Variants in ACSF3 observed in about 807,000 individuals in gnomAD.
ACSF3 encodes acyl-CoA synthetase family member 3.
ACSF3 carries 78 observed loss-of-function variants against 53.2 expected under a neutral mutation model. The ratio of observed to expected loss-of-function variants is 1.47; its 90% CI spans 1.22 to 1.77. The LOEUF (loss-of-function observed/expected upper bound fraction) is 1.77, where lower values mean the gene tolerates loss of function less well. Ranked by LOEUF, ACSF3 falls within the 40% of genes most tolerant of loss-of-function variation. The pLI, the probability that ACSF3 is intolerant of heterozygous loss-of-function variation, is 0.00. For synonymous variants in ACSF3, 414 were observed against 333.1 expected (o/e 1.24, Z -2.65); for missense variants, 937 against 771.1 (o/e 1.22, Z -2.55).
At chr16:89,110,276 GT>G (rs1976532728) in intron 4 of ACSF3, among the ~76,000 whole-genome samples, 1 of 152,160 alleles carries the variant, frequency 6.6e-6, no homozygotes, top group Non-Finnish European at 1.5e-5. Context: ...AAGTTTTCTA[GT>G]TTTAGCTCAT....
At chr16:89,109,560 C>G (rs1171193735) in intron 4 of ACSF3, among the ~76,000 whole-genome samples, 1 of 151,730 alleles carries the variant, frequency 6.6e-6, no homozygotes, top group African/African-American at 2.4e-5. Flanking sequence ...TACAGGCGCA[C>G]AGCTCCAGGT....
In ACSF3 at chr16:89,133,186, C is replaced by G; in HGVS notation, c.1290C>G (p.Pro430=). Residue 430 remains proline, a synonymous_variant, in exon 8 of 11, where the codon CCC becomes CCG. Transcript: ENST00000614302. The part of the protein sequence containing the change: ...EKEGELLVRG[P]SVFREYWNKP... The stretch of plus-strand genomic sequence containing the variant: ...AGGGGGAGCTGCTGGTGAGGGGACC[C>G]TCCGTGTTTCGAGAATACTGGAATA... The G allele has an allele frequency of 1.9e-6, 3 of 1,614,072 alleles. No homozygotes were observed. Among genetic ancestry groups the G allele is most frequent in the Non-Finnish European group, 2.5e-6 (3 of 1,180,010 alleles).
At chr16:89,119,821 C>A (rs887595243) in intron 6 of ACSF3, among the ~76,000 whole-genome samples, 2 of 152,208 alleles carry the variant, frequency 1.3e-5, no homozygotes, top group East Asian at 1.9e-4. Context: ...CCTCACCAAG[C>A]GTCTGGAGGC....
At chr16:89,150,388 A>C (rs1913867131) in intron 10 of ACSF3, 1 of 152,808 alleles carries the variant, frequency 6.5e-6, no homozygotes, top group Non-Finnish European at 1.5e-5. Context: ...AAGAAAAGAT[A>C]GGTGTCGAGG....
intron 8 of ACSF3, among the ~76,000 whole-genome samples, chr16:89,134,392 G>A (rs950164739): frequency 7.9e-5 from 12 of 152,356 alleles, no homozygotes; most frequent in African/African-American, 2.9e-4. Context: ...ACAATGGCGA[G>A]CCTTTAGGCC....
rs60881405 is a variant in ACSF3, at chr16:89,145,874, A to G, written c.1502-64A>G. ...CTGCGCTCTTCCTGTGTGTCCAGGC[A>G]CTCTTCGGCCTGTAAGGGTCACTGA... is the stretch of plus-strand genomic sequence containing the variant. On this transcript the variant is annotated intron_variant, in intron 9 of 10. Transcript: ENST00000614302. The G allele has an allele frequency of 1.3e-4, 183 of 1,390,102 alleles. 2 individuals carry two copies. In the South Asian group the frequency reaches 2.0e-3, roughly 16 times the overall value. The allele number at this position is 1,390,102 out of a possible 1,614,324, so 86.1% of individuals were successfully genotyped here. A position where few individuals can be genotyped will look rare whatever the true frequency, so the allele number is the denominator to read the frequency against.
chr16:89,116,837 C>T (rs147895029), intron 6 of ACSF3, among the ~76,000 whole-genome samples: 1 of 152,220 alleles, frequency 6.6e-6, no homozygotes, highest in Non-Finnish European at 1.5e-5. Context: ...TGCTAGCGGC[C>T]CCTGCTCTGG....
At chr16:89,105,859 G>A (rs532459750) in intron 4 of ACSF3, among the ~76,000 whole-genome samples, 1 of 152,366 alleles carries the variant, frequency 6.6e-6, no homozygotes, top group African/African-American at 2.4e-5. Flanking sequence ...ATCCTCCCAA[G>A]TAAAGAGTGT....
chr16:89,109,164 G>A (rs1281141795), intron 4 of ACSF3, among the ~76,000 whole-genome samples: 2 of 149,900 alleles, frequency 1.3e-5, no homozygotes, highest in South Asian at 2.1e-4. Flanking sequence ...CCCAGGGGGC[G>A]GCGATTGCAG....
intron 4 of ACSF3, among the ~76,000 whole-genome samples, chr16:89,110,560 T>C (rs1976564884): frequency 2.0e-5 from 3 of 152,242 alleles, no homozygotes; most frequent in Admixed American, 2.0e-4. Flanking sequence ...TTACTTCTGG[T>C]TTACGTCAGT....
chr16:89,129,573 C>G (rs1908863712), intron 7 of ACSF3, among the ~76,000 whole-genome samples: 1 of 152,120 alleles, frequency 6.6e-6, no homozygotes. Context: ...TCCAGCCTGA[C>G]AAGCTTTGTA....
rs1397931598 is a variant in ACSF3 at position 89,156,001 on chromosome 16, G to A, written c.*1794G>A. ...CAGAAAGCCTGGAGCTCGTTGACCA[G>A]CCGGTTGACCAGAATACGGTGCTCC... is the stretch of plus-strand genomic sequence containing the variant. On this transcript the variant is annotated 3_prime_UTR_variant, in exon 11 of 11. Coordinates refer to ENST00000614302, the MANE Select transcript of ACSF3 (RefSeq NM_001243279.3). 6.6e-6 allele frequency among the ~76,000 whole-genome samples: 1 copy of A among 152,202 alleles called. No homozygotes were observed. The highest frequency in any genetic ancestry group is 1.5e-5 in the Non-Finnish European group (1 of 68,044).
intron 8 of ACSF3, chr16:89,136,584 C>T (rs946989846): frequency 5.2e-5 from 66 of 1,281,348 alleles, no homozygotes; most frequent in Non-Finnish European, 6.1e-5. Context: ...CATAAGCCGG[C>T]GGGCACAGGG....
chr16:89,101,499 GC>G, intron 3 of ACSF3, 152 bp downstream of exon 3: 1 of 1,490,000 alleles, frequency 6.7e-7, no homozygotes, highest in East Asian at 2.5e-5. Context: ...AGGGACGCAG[GC>G]CCTCGGGGTG....
At chr16:89,150,145 A>G (rs1913825222) in intron 10 of ACSF3, 2 of 152,136 alleles carry the variant, frequency 1.3e-5, no homozygotes. Context: ...AAGACCGAGC[A>G]TTTGTCTCTG....
chr16:89,106,939 G>T (rs1205002960), intron 4 of ACSF3, among the ~76,000 whole-genome samples: 1 of 152,204 alleles, frequency 6.6e-6, no homozygotes, highest in South Asian at 2.1e-4. Context: ...AGCCTCTGGA[G>T]ATCAAAGTCA....
chr16:89,118,246 C>T (rs1385126741), intron 6 of ACSF3, among the ~76,000 whole-genome samples: 6 of 151,942 alleles, frequency 3.9e-5, no homozygotes, highest in African/African-American at 7.2e-5. Context: ...GCGCCGGGGA[C>T]GCTCCCTCTT....
At chr16:89,147,180 G>GTGAGTGAGGGA (rs1882900800) in intron 10 of ACSF3, among the ~76,000 whole-genome samples, 1 of 108,510 alleles carries the variant, frequency 9.2e-6, no homozygotes. Flanking sequence ...GGTCCACAGA[G>GTGAGTGAGGGA]GGAGGGAGGG....
intron 5 of ACSF3, among the ~76,000 whole-genome samples, 158 bp downstream of exon 5, chr16:89,112,404 C>G (rs1312930029): frequency 6.6e-6 from 1 of 152,106 alleles, no homozygotes; most frequent in African/African-American, 2.4e-5. Context: ...CTCTACCTCT[C>G]TAACTGTCTC....
Sources: gnomAD v4.1 joint callset for allele counts (sites outside exome capture counted in the v4.1 genomes callset) on GRCh38, gnomAD v4.1.1 for gene constraint, MANE v1.5 for transcripts, NCBI Gene and HGNC (gene_info 2026-07-23, HGNC 2026-07-21) for gene names.